PDE1C: variants seen among roughly 807,000 people sequenced by gnomAD.
PDE1C encodes the protein phosphodiesterase 1C, also known as dual specificity calcium/calmodulin-dependent 3',5'-cyclic nucleotide phosphodiesterase 1C.
In PDE1C, 62 loss-of-function variants were observed where a neutral mutation model predicts 93.1. The observed-to-expected ratio is 0.67, with a 90% CI of 0.54 to 0.82. The LOEUF is 0.82. Ranked by LOEUF, PDE1C falls within the 40% of genes least tolerant of loss-of-function variation. PDE1C has a pLI of 0.00. For synonymous variants in PDE1C, 325 were observed against 310.1 expected, an observed-to-expected ratio of 1.05 and a Z score of -0.50; for missense variants, 742 against 884.6, an observed-to-expected ratio of 0.84 and a Z score of 2.04.
intron 2 of PDE1C, among the ~76,000 whole-genome samples, chr7:32,009,682 C>G (rs942576155): frequency 1.3e-5 from 2 of 152,134 alleles, no homozygotes; most frequent in African/African-American, 4.8e-5. Context: ...AAGGTTGCAT[C>G]CAGTGCATTA....
intron 2 of PDE1C, among the ~76,000 whole-genome samples, chr7:32,017,407 A>G (rs1244974549): frequency 6.6e-6 from 1 of 152,202 alleles, no homozygotes; most frequent in Non-Finnish European, 1.5e-5. Flanking sequence ...AGAAGAAAGC[A>G]TAAGAATAAA....
chr7:32,123,376 C>T (rs1179567555), intron 3 of PDE1C, among the ~76,000 whole-genome samples: 3 of 151,914 alleles, frequency 2.0e-5, no homozygotes, highest in Non-Finnish European at 2.9e-5. Context: ...CCAGCATCAT[C>T]CTGATACCAA....
intron 9 of PDE1C, among the ~76,000 whole-genome samples, chr7:31,845,594 G>T (rs1480056015): frequency 6.6e-6 from 1 of 151,966 alleles, no homozygotes; most frequent in Non-Finnish European, 1.5e-5. Flanking sequence ...GGGTTGATGG[G>T]TGCAGCAAAC....
intron 1 of PDE1C, among the ~76,000 whole-genome samples, chr7:32,426,399 A>G (rs1406787065): frequency 1.3e-5 from 2 of 151,708 alleles, no homozygotes; most frequent in Non-Finnish European, 2.9e-5. Flanking sequence ...TCAGCCCCCT[A>G]AGTAGCTGGG....
chr7:32,359,508 C>T (rs958882646), intron 1 of PDE1C, among the ~76,000 whole-genome samples: 3 of 152,200 alleles, frequency 2.0e-5, no homozygotes, highest in Non-Finnish European at 2.9e-5. Flanking sequence ...CTTGTTGCCT[C>T]TATGTCTCCA....
intron 2 of PDE1C, among the ~76,000 whole-genome samples, chr7:32,177,500 T>C (rs1281842039): frequency 6.6e-6 from 1 of 152,126 alleles, no homozygotes; most frequent in Non-Finnish European, 1.5e-5. Context: ...AGTCCTCCTC[T>C]CAGGGGTGTG....
downstream of PDE1C, among the ~76,000 whole-genome samples, chr7:31,747,620 A>C (rs1349793216): frequency 3.9e-5 from 6 of 152,160 alleles, no homozygotes; most frequent in South Asian, 2.1e-4. Flanking sequence ...TGGAGAACTT[A>C]CACTTACTTA....
the PDE1C span, among the ~76,000 whole-genome samples, chr7:31,668,404 AAG>A: frequency 6.6e-6 from 1 of 152,308 alleles, no homozygotes; most frequent in Non-Finnish European, 1.5e-5. Context: ...ATAATAATCA[AAG>A]AGTAGAAATA....
chr7:32,390,181 T>C (rs997810257), intron 1 of PDE1C, among the ~76,000 whole-genome samples: 2 of 152,138 alleles, frequency 1.3e-5, no homozygotes, highest in African/African-American at 4.8e-5. Flanking sequence ...ATATAGGCTA[T>C]ACACACATAT....
At position 32,196,687 on chromosome 7, in the gene PDE1C, TA is replaced by T. The variant is rs1804645519; in HGVS notation, c.136+12801del. 3.9e-5 allele frequency among the ~76,000 whole-genome samples: 6 copies of T among 152,308 alleles called. No individual in the cohort carries two copies. In the South Asian group the frequency reaches 1.2e-3, roughly 32 times the overall value. On this transcript the variant is annotated intron_variant, in intron 2 of 18. Transcript: ENST00000396193. ...GAATGACATGGTCAGATTTATCTTTTAAAAGATTGCTCTGGCAGGGAGGAGA... is the reference window on the plus strand; with the variant it reads ...GAATGACATGGTCAGATTTATCTTTTAAAGATTGCTCTGGCAGGGAGGAGA...
chr7:31,690,415 G>A, the PDE1C span, among the ~76,000 whole-genome samples: 2 of 152,226 alleles, frequency 1.3e-5, no homozygotes, highest in African/African-American at 4.8e-5. Flanking sequence ...AGGGACATAT[G>A]TTTCTGGGTG....
exon 2 of PDE1C, chr7:32,209,506 G>A: frequency 1.3e-6 from 2 of 1,574,076 alleles, no homozygotes; most frequent in South Asian, 1.2e-5. Flanking sequence ...GCGGGCCAGT[G>A]GTCTGGCATT....
intron 16 of PDE1C, among the ~76,000 whole-genome samples, chr7:31,793,034 T>A (rs992452397): frequency 3.9e-5 from 6 of 152,048 alleles, no homozygotes; most frequent in African/African-American, 1.4e-4. Flanking sequence ...GTATATGAAT[T>A]CACAGAAATG....
At chr7:31,759,316 T>C (rs998113076) in intron 17 of PDE1C, among the ~76,000 whole-genome samples, 17 of 152,170 alleles carry the variant, frequency 1.1e-4, no homozygotes, top group Admixed American at 8.5e-4. Context: ...TCATTAATTG[T>C]CTGGCTATAC....
intron 3 of PDE1C, among the ~76,000 whole-genome samples, chr7:32,143,786 A>G (rs1212587051): frequency 1.3e-5 from 2 of 151,994 alleles, no homozygotes; most frequent in East Asian, 3.9e-4. Flanking sequence ...ATGTCTATTC[A>G]CAGAAGTTGT....
At chr7:31,956,781 C>T (rs754210428) in intron 2 of PDE1C, among the ~76,000 whole-genome samples, 3 of 152,080 alleles carry the variant, frequency 2.0e-5, no homozygotes, top group African/African-American at 7.2e-5. Flanking sequence ...TTTACCACAA[C>T]TGTAAGTCTT....
rs193195016 is a variant in PDE1C, at chr7:32,398,707, G to A, written c.310+29115C>T. On this transcript the variant is annotated intron_variant, in intron 1 of 1. Coordinates refer to the PDE1C transcript ENST00000672256. ...CCCGGCCAGAACTGTGATCCTAGCT[G>A]AGGGACAGCCAGCTAATGGTGACCC... Among the ~76,000 whole-genome samples, 83 of 152,178 alleles carry A rather than the reference G, an allele frequency of 5.5e-4. 2 individuals are homozygous for A. The East Asian group carries it at 7.6e-3, about 14-fold the overall frequency.
In PDE1C at chr7:31,835,549, T is replaced by TGTGTGCGTGC. The variant is rs1357785294; in HGVS notation, c.1203+1630_1203+1631insGCACGCACAC. 8.1e-5 allele frequency among the ~76,000 whole-genome samples: 12 copies of TGTGTGCGTGC among 148,684 alleles called. No individual in the cohort carries two copies. The South Asian group carries it at 1.3e-3, about 16-fold the overall frequency. ...CGGTGTGTGTGTGTGTGTGTGTGTG[T>TGTGTGCGTGC]GTGTGTGCGTGCATGTGCACCATAG... On this transcript the variant is annotated intron_variant, in intron 11 of 17. Transcript: ENST00000396191.
chr7:31,728,921 T>G, the PDE1C span, among the ~76,000 whole-genome samples: 1 of 152,218 alleles, frequency 6.6e-6, no homozygotes, highest in East Asian at 1.9e-4. Flanking sequence ...AAAGAATATA[T>G]TCTGCACCCA....
Sources: allele counts gnomAD v4.1 joint callset (sites outside exome capture counted in the v4.1 genomes callset), GRCh38; gene constraint gnomAD v4.1.1; transcripts MANE v1.5; gene names NCBI Gene and HGNC (gene_info 2026-07-23, HGNC 2026-07-21).